Variants in FLVCR2 observed in about 807,000 individuals in gnomAD.
FLVCR2 encodes the protein FLVCR choline and putative heme transporter 2.
In FLVCR2, 38 loss-of-function variants were observed where a neutral mutation model predicts 48.9. The ratio of observed to expected loss-of-function variants is 0.78; its 90% CI spans 0.60 to 1.02. The LOEUF (loss-of-function observed/expected upper bound fraction) is 1.02, where lower values mean the gene tolerates loss of function less well. FLVCR2 is among the 50% of genes least tolerant of loss of function. The pLI is 0.00. For synonymous variants in FLVCR2, 255 were observed against 257.0 expected, an observed-to-expected ratio of 0.99 and a Z score of 0.07; for missense variants, 664 against 663.3, an observed-to-expected ratio of 1.00 and a Z score of -0.01.
chr14:75,579,640 AG>A lies in FLVCR2; in HGVS notation c.669+1del. The stretch of plus-strand genomic sequence containing the variant: ...TGCTCCGTGGCTGTCTTTGGCAATC[AG>A]GTAGGTAGAACAGTTTGTGAATGTT... ...TACSVAVFGN[Q>X]LGIAIGFLVP... is the part of the protein sequence containing the mutation. On this transcript the variant is annotated frameshift_variant and splice_region_variant, in exon 1 of 10. Transcript: ENST00000238667. LOFTEE classifies it high-confidence loss of function. 1 of 1,614,086 alleles carries A rather than the reference AG, an allele frequency of 6.2e-7. No individual in the cohort carries two copies.
intron 3 of FLVCR2, chr14:75,632,872 T>C (rs754057181): frequency 1.4e-6 from 1 of 702,402 alleles, no homozygotes; most frequent in South Asian, 1.5e-5. Context: ...ATAAAGTGTC[T>C]AATCCATAGG....
At chr14:75,603,671 G>A (rs1425768436) in intron 1 of FLVCR2, among the ~76,000 whole-genome samples, 2 of 152,122 alleles carry the variant, frequency 1.3e-5, no homozygotes, top group African/African-American at 4.8e-5. Flanking sequence ...CTAAAGGAGC[G>A]CAGTGTAACA....
intron 1 of FLVCR2, among the ~76,000 whole-genome samples, chr14:75,587,055 G>T (rs1403546130): frequency 6.6e-6 from 1 of 152,146 alleles, no homozygotes; most frequent in African/African-American, 2.4e-5. Context: ...AAAGGCTGAA[G>T]AAGGTAAAGG....
intron 6 of FLVCR2, among the ~76,000 whole-genome samples, chr14:75,639,672 A>G (rs1890260070): frequency 1.3e-5 from 2 of 152,174 alleles, no homozygotes; most frequent in Non-Finnish European, 2.9e-5. Flanking sequence ...TGAAGCATGA[A>G]GCACACCCTT....
intron 1 of FLVCR2, among the ~76,000 whole-genome samples, chr14:75,615,378 G>C (rs1889581648): frequency 6.6e-6 from 1 of 152,160 alleles, no homozygotes; most frequent in Non-Finnish European, 1.5e-5. Context: ...AACCAGGGTA[G>C]GATGATGGTT....
chr14:75,598,550 A>G (rs1392451256), intron 1 of FLVCR2, among the ~76,000 whole-genome samples: 1 of 152,144 alleles, frequency 6.6e-6, no homozygotes, highest in African/African-American at 2.4e-5. Context: ...CAGTCTCAGC[A>G]CACTGCAGTC....
intron 3 of FLVCR2, among the ~76,000 whole-genome samples, chr14:75,627,149 T>C (rs1271731363): frequency 1.3e-5 from 2 of 152,006 alleles, no homozygotes; most frequent in African/African-American, 4.9e-5. Context: ...TCCTCTCACA[T>C]GCCTGTTTGC....
At chr14:75,636,443 A>G (rs1458798191) in intron 5 of FLVCR2, among the ~76,000 whole-genome samples, 1 of 152,158 alleles carries the variant, frequency 6.6e-6, no homozygotes, top group Non-Finnish European at 1.5e-5. Context: ...TCCCCAAACC[A>G]CTGAATAGCA....
chr14:75,578,833 CTT>C lies in FLVCR2; in HGVS notation c.-137_-136del. 1.2e-6 allele frequency: 1 copy of C among 803,340 alleles called. No individual in the cohort carries two copies. Among genetic ancestry groups the C allele is most frequent in the East Asian group, 2.7e-5 (1 of 37,528 alleles). The allele number at this position is 803,340 out of a possible 1,614,324, so 49.8% of individuals were successfully genotyped here. On this transcript the variant is annotated 5_prime_UTR_variant, in exon 1 of 10. Transcript: ENST00000238667. The stretch of plus-strand genomic sequence containing the variant: ...TGAGCACAGGAAGCCCCACTTGAGG[CTT>C]TTACGCAGCCTCTAGTCTCTGTTTC...
At chr14:75,617,940 T>G (rs2140033879) in intron 1 of FLVCR2, among the ~76,000 whole-genome samples, 1 of 152,212 alleles carries the variant, frequency 6.6e-6, no homozygotes, top group East Asian at 1.9e-4. Context: ...AGAGAGAGAT[T>G]CTAGTCCAGG....
chr14:75,616,047 A>AAG lies in FLVCR2; in HGVS notation c.670-6031_670-6030insGA, dbSNP rs1259725425. ...ATCTCAAAAAAAAAAAAAAAAAAAA[A>AAG]ATAGCGTAAGTCCAGTTATGGTGGC... is the stretch of plus-strand genomic sequence containing the variant. On this transcript the variant is annotated intron_variant, in intron 1 of 9. Transcript: ENST00000238667. Among the ~76,000 whole-genome samples, 403 of 148,252 alleles carry AAG rather than the reference A, an allele frequency of 2.7e-3. 5 individuals are homozygous for AAG. The highest frequency in any genetic ancestry group is 9.8e-3 in the African/African-American group (395 of 40,268).
intron 8 of FLVCR2, 54 bp downstream of exon 8, chr14:75,641,347 A>T: frequency 8.4e-7 from 1 of 1,194,640 alleles, no homozygotes; most frequent in Non-Finnish European, 1.3e-6. Flanking sequence ...TTGGGACCCT[A>T]GTGTCTCGAT....
At position 75,639,390 on chromosome 14, in the gene FLVCR2, G is replaced by T. The variant is rs376699157; in HGVS notation, c.1163G>T (p.Gly388Val). The T allele has an allele frequency of 6.2e-7, 1 of 1,614,016 alleles. No individual in the cohort carries two copies. Among genetic ancestry groups the T allele is most frequent in the East Asian group, 2.2e-5 (1 of 44,892 alleles). The change falls in exon 6 of 10, where the codon GGC (glycine) becomes GTC (valine). Residue 388 changes from glycine (G) to valine (V), a missense_variant. Coordinates refer to ENST00000238667, the MANE Select transcript of FLVCR2 (RefSeq NM_017791.3). ...TLVVYIMTLV[G>V]MVVYTFTLNL... is the part of the protein sequence containing the mutation. ...GTAGTCTATATCATGACACTGGTGG[G>T]CATGGTGGTGTACACGTTTACCTTG...
At chr14:75,634,601 T>G (rs1407451367) in intron 4 of FLVCR2, among the ~76,000 whole-genome samples, 1 of 152,208 alleles carries the variant, frequency 6.6e-6, no homozygotes, top group Non-Finnish European at 1.5e-5. Context: ...TAATGACAGA[T>G]AAGATAGAAG....
intron 3 of FLVCR2, 108 bp downstream of exon 3, chr14:75,624,860 G>T: frequency 1.4e-6 from 2 of 1,389,252 alleles, no homozygotes; most frequent in Admixed American, 3.5e-5. Context: ...TGCATGTAAA[G>T]CTGTTGTCTA....
chr14:75,581,605 A>G (rs939613764), intron 1 of FLVCR2, among the ~76,000 whole-genome samples: 4 of 152,206 alleles, frequency 2.6e-5, no homozygotes, highest in African/African-American at 9.7e-5. Context: ...AAGGGAAGAA[A>G]TGACCGCAGT....
chr14:75,580,200 G>A (rs761533749), intron 1 of FLVCR2, among the ~76,000 whole-genome samples: 3 of 152,226 alleles, frequency 2.0e-5, no homozygotes, highest in Non-Finnish European at 4.4e-5. Context: ...AGTCCAGCAG[G>A]ATGGAGTAGA....
chr14:75,593,658 A>G (rs916213879), intron 1 of FLVCR2, among the ~76,000 whole-genome samples: 2 of 152,186 alleles, frequency 1.3e-5, no homozygotes, highest in African/African-American at 4.8e-5. Flanking sequence ...ATAAAATTTC[A>G]ACATAAGTTT....
chr14:75,631,801 G>A (rs761247453), intron 3 of FLVCR2: 17 of 456,016 alleles, frequency 3.7e-5, no homozygotes, highest in East Asian at 6.9e-5. Flanking sequence ...CTCTTCACTC[G>A]GAAATGGACT....
Sources: gnomAD v4.1 joint callset for allele counts (sites outside exome capture counted in the v4.1 genomes callset) on GRCh38, gnomAD v4.1.1 for gene constraint, MANE v1.5 for transcripts, NCBI Gene and HGNC (gene_info 2026-07-23, HGNC 2026-07-21) for gene names.